The following NOL4L variants were observed in gnomAD, a reference collection of about 807,000 sequenced individuals.
NOL4L encodes nucleolar protein 4-like.
Under a neutral mutation model 64.5 loss-of-function variants are expected in NOL4L, and 7 were observed. The observed-to-expected ratio is 0.11, with a 90% confidence interval of 0.06 to 0.20. NOL4L has a LOEUF of 0.20. Ranked by LOEUF, NOL4L falls within the 10% of genes least tolerant of loss-of-function variation. NOL4L has a pLI of 1.00. For missense variants in NOL4L, 680 were observed against 967.1 expected, an observed-to-expected ratio of 0.70 and a Z score of 3.94; for synonymous variants, 413 against 401.0, an observed-to-expected ratio of 1.03 and a Z score of -0.36.
At chr20:32,559,986 G>C (rs961270516) in intron 1 of NOL4L, among the ~76,000 whole-genome samples, 2 of 152,224 alleles carry the variant, frequency 1.3e-5, no homozygotes, top group African/African-American at 2.4e-5. Context: ...AAAGGCGGCG[G>C]TGTGCCCGGC....
chr20:32,448,420 G>T (rs983803570), intron 10 of NOL4L, among the ~76,000 whole-genome samples: 1 of 152,224 alleles, frequency 6.6e-6, no homozygotes, highest in African/African-American at 2.4e-5. Context: ...CTGGAGAGAG[G>T]CCAGCTGCCC....
chr20:32,498,760 T>A, intron 4 of NOL4L, among the ~76,000 whole-genome samples: 1 of 113,620 alleles, frequency 8.8e-6, no homozygotes, highest in Non-Finnish European at 1.7e-5. Flanking sequence ...TGAGACCCTG[T>A]CTCAATAAAA....
chr20:32,536,863 A>C (rs1460787946), intron 1 of NOL4L, among the ~76,000 whole-genome samples: 1 of 140,954 alleles, frequency 7.1e-6, no homozygotes, highest in Non-Finnish European at 1.5e-5. Context: ...CGTTAAAGAC[A>C]CAGGGACGCT....
chr20:32,524,364 C>G (rs941693498), intron 2 of NOL4L, among the ~76,000 whole-genome samples: 2 of 152,184 alleles, frequency 1.3e-5, no homozygotes, highest in African/African-American at 2.4e-5. Context: ...CATCTAACTC[C>G]AGCTCGAATA....
chr20:32,583,048 C>T (rs1452127877), intron 1 of NOL4L, among the ~76,000 whole-genome samples: 1 of 152,160 alleles, frequency 6.6e-6, no homozygotes, highest in Non-Finnish European at 1.5e-5. Context: ...CCCAGCTTCC[C>T]CCTCGGGGAG....
At position 32,453,969 on chromosome 20, in the gene NOL4L, C is replaced by G. The variant is rs1483072822; in HGVS notation, c.1120-208G>C. 2 of 590,698 alleles carry G rather than the reference C, an allele frequency of 3.4e-6. No homozygotes were observed. The highest frequency in any genetic ancestry group is 6.0e-6 in the Non-Finnish European group (2 of 331,534). 36.6% of individuals were successfully genotyped at this position (590,698 alleles called of 1,614,324 possible). Reference sequence around the variant, plus strand: ...GACAGCAATGCTACCACCTCCCTCCCTGGGCTGCCGCAGGGAGGACCGACT... The same window carrying G: ...GACAGCAATGCTACCACCTCCCTCCGTGGGCTGCCGCAGGGAGGACCGACT... On this transcript the variant is annotated intron_variant, in intron 6 of 10. Transcript: ENST00000621426. This position sits in a 1 kb window ranked among gnomAD's most constrained non-coding sequence, Gnocchi z 5.6.
chr20:32,556,274 T>TG (rs58089481), intron 1 of NOL4L, among the ~76,000 whole-genome samples: 7,929 of 144,076 alleles, frequency 0.055, 256 homozygotes, highest in Middle Eastern at 0.11. Flanking sequence ...ATTTCCTTTG[T>TG]GGGGGGGGGG....
chr20:32,549,990 C>G (rs1343614509), intron 1 of NOL4L, among the ~76,000 whole-genome samples: 1 of 152,034 alleles, frequency 6.6e-6, no homozygotes, highest in Non-Finnish European at 1.5e-5. Context: ...TCAAAATAGC[C>G]AAAATGTGGA....
intron 4 of NOL4L, among the ~76,000 whole-genome samples, chr20:32,505,264 TAAGA>T (rs2017094357): frequency 6.6e-6 from 1 of 151,900 alleles, no homozygotes; most frequent in Non-Finnish European, 1.5e-5. Flanking sequence ...AGAGGGTTCA[TAAGA>T]AAGAGAAAAG....
At chr20:32,526,348 G>A (rs1028446262) in intron 2 of NOL4L, among the ~76,000 whole-genome samples, 4 of 152,208 alleles carry the variant, frequency 2.6e-5, no homozygotes, top group Non-Finnish European at 4.4e-5. Context: ...CACACAGACC[G>A]AGAAGCAGGA....
intron 1 of NOL4L, among the ~76,000 whole-genome samples, chr20:32,532,615 G>A (rs1171685497): frequency 6.6e-6 from 1 of 152,164 alleles, no homozygotes; most frequent in African/African-American, 2.4e-5. Flanking sequence ...CTGTAGACTT[G>A]GGAAGCCCCT....
intron 1 of NOL4L, among the ~76,000 whole-genome samples, chr20:32,545,862 T>C (rs1473046824): frequency 6.8e-6 from 1 of 147,784 alleles, no homozygotes. Context: ...ATATTTGGAT[T>C]GCCATTATTC....
At chr20:32,465,683 T>C (rs527926313) in intron 5 of NOL4L, among the ~76,000 whole-genome samples, 4 of 152,310 alleles carry the variant, frequency 2.6e-5, no homozygotes, top group African/African-American at 9.6e-5. Flanking sequence ...GGCAGGGCCC[T>C]GGCCCCAAAG....
At chr20:32,504,413 A>G (rs2017051760) in intron 4 of NOL4L, among the ~76,000 whole-genome samples, 1 of 152,028 alleles carries the variant, frequency 6.6e-6, no homozygotes, top group Non-Finnish European at 1.5e-5. Flanking sequence ...ACAAAAAATT[A>G]GCCAGGTGTC....
Position 32,456,210 on chromosome 20 carries a change from T to C in NOL4L, c.1027A>G (p.Thr343Ala), listed in dbSNP as rs746437417. ...INLCDKLPPA[T>A]ALGTASYPSD... ...GGGTAGGAGGCTGTGCCAAGTGCCGTGGCCGGCGGGAGCTTGTCACACAGG... is the reference window on the plus strand; with the variant it reads ...GGGTAGGAGGCTGTGCCAAGTGCCGCGGCCGGCGGGAGCTTGTCACACAGG... Residue 343 changes from threonine (T) to alanine (A), a missense_variant, in exon 6 of 11, where the codon ACG becomes GCG. Transcript: ENST00000621426. 72 of 1,608,838 alleles carry C rather than the reference T, an allele frequency of 4.5e-5. No homozygotes were observed. Among genetic ancestry groups the C allele is most frequent in the Non-Finnish European group, 5.6e-5 (66 of 1,177,728 alleles).
chr20:32,584,593 A>G lies in NOL4L; in HGVS notation c.298T>C (p.Tyr100His). The part of the protein sequence containing the change: ...GREPKMGQVV[Y>H]VPVKTGSGAD... The stretch of plus-strand genomic sequence containing the variant: ...ACCGAGCCCGTCTTGACCGGCACAT[A>G]CACCACTTGGCCCATCTTGGGTTCC... The change falls in exon 1 of 11, where the codon TAT (tyrosine) becomes CAT (histidine). Residue 100 changes from tyrosine to histidine, a missense_variant. This residue lies in a region of NOL4L where 181 missense variants were observed against 335.2 expected (regional missense o/e 0.54). Transcript: ENST00000621426. 1 of 1,514,456 alleles carries G rather than the reference A, an allele frequency of 6.6e-7. No individual in the cohort carries two copies. Among genetic ancestry groups the G allele is most frequent in the Non-Finnish European group, 8.9e-7 (1 of 1,127,686 alleles). 93.8% of individuals were successfully genotyped at this position (1,514,456 alleles called of 1,614,324 possible).
intron 4 of NOL4L, chr20:32,485,639 G>A (rs2016058110): frequency 4.8e-6 from 2 of 416,440 alleles, no homozygotes. Context: ...TGTGGGGCAG[G>A]TGGGAGGCTT....
At chr20:32,484,478 C>T (rs1398550150) in intron 4 of NOL4L, among the ~76,000 whole-genome samples, 1 of 152,150 alleles carries the variant, frequency 6.6e-6, no homozygotes, top group East Asian at 1.9e-4. Flanking sequence ...AGTTTACACC[C>T]CCTCCGCCCT....
intron 4 of NOL4L, among the ~76,000 whole-genome samples, chr20:32,497,056 CAAAAAAAAAAAA>C (rs11167170): frequency 2.6e-5 from 2 of 76,802 alleles, no homozygotes; most frequent in Non-Finnish European, 4.8e-5. Context: ...CTCCTACCCT[CAAAAAAAAAAAA>C]AAAAAAAAAG....
Sources: gnomAD v4.1 joint callset for allele counts (sites outside exome capture counted in the v4.1 genomes callset) on GRCh38, gnomAD v4.1.1 for gene constraint, gnomAD v4.1.1 regional missense constraint, Gnocchi (gnomAD v3.1) non-coding constraint, MANE v1.5 for transcripts, NCBI Gene and HGNC (gene_info 2026-07-23, HGNC 2026-07-21) for gene names.